The following GRM1 variants were observed in gnomAD, a reference collection of about 807,000 sequenced individuals.
GRM1 encodes glutamate metabotropic receptor 1, also known as metabotropic glutamate receptor 1.
A neutral mutation model predicts 90.9 loss-of-function variants in GRM1; 33 were observed. The ratio of observed to expected loss-of-function variants is 0.36; its 90% CI spans 0.28 to 0.49. The LOEUF (loss-of-function observed/expected upper bound fraction) is 0.49. GRM1 is among the 20% of genes least tolerant of loss of function. The probability of loss-of-function intolerance (pLI) is 0.99; values close to 1 mark genes in which losing one functional copy is unlikely to be tolerated. For synonymous variants in GRM1, 700 were observed against 613.2 expected, an observed-to-expected ratio of 1.14 and a Z score of -2.09; for missense variants, 1,190 against 1,534.3, an observed-to-expected ratio of 0.78 and a Z score of 3.75.
At chr6:146,081,161 G>C (rs1212800099) in intron 1 of GRM1, among the ~76,000 whole-genome samples, 2 of 152,138 alleles carry the variant, frequency 1.3e-5, no homozygotes, top group African/African-American at 4.8e-5. Context: ...ACTGCAACTT[G>C]CTCTAAGTAT....
At chr6:146,243,072 T>C (rs1780925554) in intron 2 of GRM1, among the ~76,000 whole-genome samples, 1 of 152,054 alleles carries the variant, frequency 6.6e-6, no homozygotes, top group East Asian at 1.9e-4. Context: ...AACAAACCTT[T>C]CAGCAATCCA....
At chr6:146,368,553 A>G (rs1775785642) in intron 5 of GRM1, among the ~76,000 whole-genome samples, 1 of 151,994 alleles carries the variant, frequency 6.6e-6, no homozygotes, top group Non-Finnish European at 1.5e-5. Flanking sequence ...TTTCTTATAT[A>G]ACTAATTTGT....
At chr6:146,350,195 A>T (rs538403957) in intron 3 of GRM1, among the ~76,000 whole-genome samples, 1 of 152,272 alleles carries the variant, frequency 6.6e-6, no homozygotes, top group Non-Finnish European at 1.5e-5. Context: ...AGAAATTTGT[A>T]CTGGGGACAC....
Position 146,304,824 on chromosome 6 carries a change from C to T in GRM1, c.1164C>T (p.Pro388=). The T allele has an allele frequency of 6.2e-7, 1 of 1,611,912 alleles. No homozygotes were observed. The change falls in exon 3 of 8, where the codon CCC becomes CCT. Residue 388 remains proline, a synonymous_variant. Coordinates refer to ENST00000282753, the MANE Select transcript of GRM1 (RefSeq NM_001278064.2). The part of the protein sequence containing the change: ...CRLPGHLLEN[P]NFKRICTGNE... ...TTCCAGGACACCTTCTGGAAAATCCCAACTTTAAACGAATCTGCACAGGTA... is the reference window on the plus strand; with the variant it reads ...TTCCAGGACACCTTCTGGAAAATCCTAACTTTAAACGAATCTGCACAGGTA...
intron 1 of GRM1, among the ~76,000 whole-genome samples, chr6:146,104,267 C>T (rs113789869): frequency 0.053 from 8,058 of 151,940 alleles, 695 homozygotes; most frequent in African/African-American, 0.18. Flanking sequence ...GGTGAAACCC[C>T]GTCTCTACTA....
intron 4 of GRM1, among the ~76,000 whole-genome samples, chr6:146,354,572 T>C (rs1391200152): frequency 2.6e-5 from 4 of 152,160 alleles, no homozygotes; most frequent in Non-Finnish European, 5.9e-5. Context: ...GGTCTTTTCT[T>C]AGGGATCATA....
At chr6:146,332,425 G>C (rs963781843) in intron 3 of GRM1, among the ~76,000 whole-genome samples, 27 of 152,154 alleles carry the variant, frequency 1.8e-4, no homozygotes, top group Non-Finnish European at 3.4e-4. Flanking sequence ...GCCAGCAGTT[G>C]TTCCTAGAGG....
intron 3 of GRM1, among the ~76,000 whole-genome samples, chr6:146,341,465 T>C (rs1784978341): frequency 6.6e-6 from 1 of 152,212 alleles, no homozygotes; most frequent in Non-Finnish European, 1.5e-5. Flanking sequence ...GGAATAAGTG[T>C]AGACAAATAA....
chr6:146,108,009 C>T (rs1053840499), intron 1 of GRM1, among the ~76,000 whole-genome samples: 1 of 152,170 alleles, frequency 6.6e-6, no homozygotes, highest in East Asian at 1.9e-4. Flanking sequence ...GAGAGATTTA[C>T]ATTTTTCAGA....
chr6:146,091,273 A>T (rs978954599), intron 1 of GRM1, among the ~76,000 whole-genome samples: 3 of 152,114 alleles, frequency 2.0e-5, no homozygotes, highest in African/African-American at 7.2e-5. Flanking sequence ...GGAGGCAAAG[A>T]GTACCTTTTC....
At chr6:146,279,346 T>C (rs1422658591) in intron 2 of GRM1, among the ~76,000 whole-genome samples, 1 of 152,152 alleles carries the variant, frequency 6.6e-6, no homozygotes, top group Non-Finnish European at 1.5e-5. Flanking sequence ...ATACTCTCTT[T>C]TTTTACATAC....
intron 2 of GRM1, among the ~76,000 whole-genome samples, chr6:146,242,422 AAC>A (rs1780898635): frequency 6.6e-6 from 1 of 152,250 alleles, no homozygotes; most frequent in South Asian, 2.1e-4. Flanking sequence ...GAGAACCAGA[AAC>A]AGAGTATGGA....
At chr6:146,298,395 A>G (rs1783261201) in intron 2 of GRM1, among the ~76,000 whole-genome samples, 1 of 152,162 alleles carries the variant, frequency 6.6e-6, no homozygotes, top group Non-Finnish European at 1.5e-5. Flanking sequence ...GTGGTAATAG[A>G]AATTTTAGTA....
At chr6:146,290,840 A>G (rs1301232521) in intron 2 of GRM1, among the ~76,000 whole-genome samples, 1 of 152,070 alleles carries the variant, frequency 6.6e-6, no homozygotes. Flanking sequence ...AAGAAATGTA[A>G]ATGAGATTTT....
intron 1 of GRM1, among the ~76,000 whole-genome samples, chr6:146,087,198 G>A (rs1043759867): frequency 1.3e-5 from 2 of 152,024 alleles, no homozygotes; most frequent in African/African-American, 4.8e-5. Context: ...AATGAGTAAG[G>A]TTCTTTCATC....
intron 3 of GRM1, among the ~76,000 whole-genome samples, chr6:146,345,380 T>C (rs1476409330): frequency 1.3e-5 from 2 of 152,218 alleles, no homozygotes; most frequent in Non-Finnish European, 2.9e-5. Context: ...TTTACAATGT[T>C]AATGCCATAT....
chr6:146,381,155 A>G (rs1776304466), intron 5 of GRM1, among the ~76,000 whole-genome samples: 1 of 152,032 alleles, frequency 6.6e-6, no homozygotes, highest in Non-Finnish European at 1.5e-5. Flanking sequence ...ATCTGCCCCC[A>G]CCAGTCCACT....
At position 146,399,506 on chromosome 6, in the gene GRM1, G is replaced by A. The variant is rs1484051248; in HGVS notation, c.2467G>A (p.Val823Ile). Residue 823 changes from valine to isoleucine, a missense_variant, in exon 7 of 8, where the codon GTA becomes ATA. Val to Ile is a conservative substitution (Grantham distance 29). Transcript: ENST00000282753. The surrounding 1 kb of genome is among the most constrained non-coding windows in gnomAD (Gnocchi z 5.4). Reference sequence around the variant, plus strand: ...AACTTGCTTTGCAGTGAGTCTCAGTGTAACAGTGGCTCTGGGGTGCATGTT... The same window carrying A: ...AACTTGCTTTGCAGTGAGTCTCAGTATAACAGTGGCTCTGGGGTGCATGTT... Reference protein sequence around the residue: ...ITTCFAVSLSVTVALGCMFTP... With the variant: ...ITTCFAVSLSITVALGCMFTP... The A allele has an allele frequency of 6.2e-7, 1 of 1,614,156 alleles. No homozygotes were observed. The highest frequency in any genetic ancestry group is 8.5e-7 in the Non-Finnish European group (1 of 1,179,994).
At chr6:146,084,531 A>G (rs574824245) in intron 1 of GRM1, among the ~76,000 whole-genome samples, 1 of 152,078 alleles carries the variant, frequency 6.6e-6, no homozygotes, top group Middle Eastern at 3.4e-3. Flanking sequence ...TTAAATTTCT[A>G]TGTAATTGTG....
Sources: gnomAD v4.1 joint callset for allele counts (sites outside exome capture counted in the v4.1 genomes callset) on GRCh38, gnomAD v4.1.1 for gene constraint, Gnocchi (gnomAD v3.1) non-coding constraint, MANE v1.5 for transcripts, NCBI Gene and HGNC (gene_info 2026-07-23, HGNC 2026-07-21) for gene names.